The following CDK10 variants were observed in gnomAD, a reference collection of about 807,000 sequenced individuals.
The protein encoded by CDK10 is cyclin-dependent kinase 10.
A neutral mutation model predicts 51.0 loss-of-function variants in CDK10; 55 were observed. The observed-to-expected ratio is 1.08, with a 90% CI of 0.87 to 1.35. CDK10 has a LOEUF of 1.35. CDK10 is among the 40% of genes most tolerant of loss of function. The pLI, the probability that CDK10 is intolerant of heterozygous loss-of-function variation, is 0.00. For missense variants in CDK10, 589 were observed against 485.1 expected (o/e 1.21, Z -2.01); for synonymous variants, 255 against 199.1 (o/e 1.28, Z -2.36).
Position 89,696,076 on chromosome 16 carries a change from A to G in CDK10, c.*384A>G. 5.6e-6 allele frequency: 3 copies of G among 538,934 alleles called. No individual in the cohort carries two copies. Among genetic ancestry groups the G allele is most frequent in the Non-Finnish European group, 1.0e-5 (3 of 297,082 alleles). 33.4% of individuals were successfully genotyped at this position (538,934 alleles called of 1,614,324 possible). A position where few individuals can be genotyped will look rare whatever the true frequency, so the allele number is the denominator to read the frequency against. Reference sequence around the variant, plus strand: ...ACGCTGGCCTGGGATGAGAGGGCCCAGAAGACCTTCGTATCCCCTCTCAGT... The same window carrying G: ...ACGCTGGCCTGGGATGAGAGGGCCCGGAAGACCTTCGTATCCCCTCTCAGT... On this transcript the variant is annotated 3_prime_UTR_variant, in exon 13 of 13. Transcript: ENST00000353379.
At chr16:89,694,643 T>C in intron 9 of CDK10, 22 bp from the exon 10 acceptor site, 1 of 1,577,966 alleles carries the variant, frequency 6.3e-7, no homozygotes, top group East Asian at 2.3e-5. Context: ...CTGGCCGCAG[T>C]GAGGTCCACT....
At position 89,686,759 on chromosome 16, in the gene CDK10, C is replaced by G; in HGVS notation, c.49C>G (p.Arg17Gly). ...ECEQIRLKCI[R>G]KEGFFTVPPE... is the part of the protein sequence containing the mutation. ...CGAGCAGATCCGTCTGAAGTGTATT[C>G]GTAAGGAGGGCTTCTTCACGGTGCC... The change falls in exon 1 of 13, where the codon CGT (arginine) becomes GGT (glycine). Residue 17 changes from arginine (R) to glycine (G), a missense_variant. Physicochemically the swap from Arg to Gly is moderately radical, Grantham distance 125. Coordinates refer to ENST00000353379, the MANE Select transcript of CDK10 (RefSeq NM_052988.5). 2 of 1,612,580 alleles carry G rather than the reference C, an allele frequency of 1.2e-6. No individual in the cohort carries two copies. Among genetic ancestry groups the G allele is most frequent in the Non-Finnish European group, 1.7e-6 (2 of 1,179,254 alleles).
intron 1 of CDK10, chr16:89,687,048 C>T (rs1177365963): frequency 1.2e-5 from 5 of 405,538 alleles, no homozygotes; most frequent in African/African-American, 4.2e-5. Flanking sequence ...GAGACGGGCC[C>T]GGGACTTGGG....
At chr16:89,695,424 T>C in intron 12 of CDK10, 79 bp downstream of exon 12, 2 of 1,523,008 alleles carry the variant, frequency 1.3e-6, no homozygotes, top group Non-Finnish European at 1.8e-6. Context: ...GGTGGAGAAG[T>C]GGCCTGCTGC....
In CDK10 at chr16:89,689,333, C is replaced by G. The variant is rs1174654325; in HGVS notation, c.160+9C>G. On this transcript the variant is annotated intron_variant, in intron 2 of 12. Coordinates refer to ENST00000353379, the MANE Select transcript of CDK10 (RefSeq NM_052988.5). The stretch of plus-strand genomic sequence containing the variant: ...TACCTACGGCATTGTGTGTGAGTGG[C>G]CAAGGCTAGGACATGTGGCCGCAGC... The G allele has an allele frequency of 6.2e-7, 1 of 1,612,644 alleles. No homozygotes were observed. Among genetic ancestry groups the G allele is most frequent in the Non-Finnish European group, 8.5e-7 (1 of 1,178,720 alleles).
chr16:89,694,002 G>T, intron 8 of CDK10, 171 bp from the exon 9 acceptor site: 1 of 667,682 alleles, frequency 1.5e-6, no homozygotes. Flanking sequence ...TCTCGCCCCC[G>T]GCAACCATTG....
At chr16:89,690,320 C>T in intron 2 of CDK10, 1 of 572,062 alleles carries the variant, frequency 1.7e-6, no homozygotes, top group Non-Finnish European at 3.1e-6. Context: ...GGCCAGGGTC[C>T]AGCACAGAGC....
At chr16:89,688,105 G>A (rs1422816871) in intron 1 of CDK10, among the ~76,000 whole-genome samples, 9 of 138,764 alleles carry the variant, frequency 6.5e-5, no homozygotes, top group African/African-American at 2.4e-4. Flanking sequence ...TTTTTGAGAC[G>A]GAGTCTCATT....
In CDK10 at chr16:89,691,464, G is replaced by T; in HGVS notation, c.254G>T (p.Arg85Leu). Reference sequence around the variant, plus strand: ...CCAGGCATCCCCATCAGCAGCTTGCGGGAGATCACGCTGCTGCTCCGCCTG... The same window carrying T: ...CCAGGCATCCCCATCAGCAGCTTGCTGGAGATCACGCTGCTGCTCCGCCTG... ...EKDGIPISSL[R>L]EITLLLRLRH... Residue 85 changes from arginine (R) to leucine (L), a missense_variant, in exon 4 of 13, where the codon CGG becomes CTG. Transcript: ENST00000353379. 6.2e-7 allele frequency: 1 copy of T among 1,612,710 alleles called. No homozygotes were observed.
In CDK10 at chr16:89,689,292, A is replaced by C; in HGVS notation, c.128A>C (p.Asn43Thr). 6.2e-7 allele frequency: 1 copy of C among 1,614,054 alleles called. No individual in the cohort carries two copies. Among genetic ancestry groups the C allele is most frequent in the East Asian group, 2.2e-5 (1 of 44,882 alleles). ...AGTGTGAAGGAGTTTGAGAAGCTGA[A>C]CCGCATTGGAGAGGGTACCTACGGC... Reference protein sequence around the residue: ...CRSVKEFEKLNRIGEGTYGIV... With the variant: ...CRSVKEFEKLTRIGEGTYGIV... Residue 43 changes from asparagine to threonine, a missense_variant, in exon 2 of 13, where the codon AAC (asparagine) becomes ACC (threonine). Transcript: ENST00000353379.
intron 1 of CDK10, among the ~76,000 whole-genome samples, chr16:89,688,055 G>A (rs2060276213): frequency 6.7e-6 from 1 of 149,566 alleles, no homozygotes; most frequent in Non-Finnish European, 1.5e-5. Flanking sequence ...GGGCTGTGAG[G>A]TTTCAAACCT....
Position 89,690,633 on chromosome 16 carries a change from GA to G in CDK10, c.232+12del. The G allele has an allele frequency of 6.2e-7, 1 of 1,612,914 alleles. No homozygotes were observed. The highest frequency in any genetic ancestry group is 1.3e-5 in the African/African-American group (1 of 75,030). ...GGACAAGGAGAAGGATGGTGAGCAG[GA>G]AATTGGGGTGTTGGGACCTCGCACT... On this transcript the variant is annotated intron_variant, in intron 3 of 12. Coordinates refer to ENST00000353379, the MANE Select transcript of CDK10 (RefSeq NM_052988.5).
chr16:89,691,702 G>A, intron 4 of CDK10, 104 bp from the exon 5 acceptor site: 3 of 1,302,504 alleles, frequency 2.3e-6, no homozygotes, highest in Admixed American at 1.7e-5. Flanking sequence ...GTCTGAGGGG[G>A]ACACAGGTTG....
chr16:89,695,986 T>C lies in CDK10; in HGVS notation c.*294T>C, dbSNP rs2060705431. 6.6e-6 allele frequency: 4 copies of C among 609,498 alleles called. No homozygotes were observed. The highest frequency in any genetic ancestry group is 3.9e-5 in the South Asian group (2 of 51,776). The allele number at this position is 609,498 out of a possible 1,614,324, so 37.8% of individuals were successfully genotyped here. ...GGTCCTCCTCGCTATGTTGGAAATG[T>C]GCAACCACTGCTTCTTGGGAGGAGT... On this transcript the variant is annotated 3_prime_UTR_variant, in exon 13 of 13. Transcript: ENST00000353379.
intron 11 of CDK10, 64 bp from the exon 12 acceptor site, chr16:89,695,229 C>T: frequency 2.6e-6 from 4 of 1,559,720 alleles, no homozygotes; most frequent in South Asian, 2.3e-5. Context: ...ACAGGCTGCT[C>T]AGCTGGGTGG....
intron 12 of CDK10, 89 bp from the exon 13 acceptor site, chr16:89,695,494 AGCCCAGGGCCAG>A: frequency 2.0e-6 from 3 of 1,482,758 alleles, no homozygotes; most frequent in East Asian, 4.7e-5. Context: ...AGGCACAGAC[AGCCCAGGGCCAG>A]GTCCAGAGGC....
intron 1 of CDK10, chr16:89,687,054 T>C (rs1217374787): frequency 5.1e-6 from 2 of 395,638 alleles, no homozygotes; most frequent in Admixed American, 9.2e-5. Context: ...GGCCCGGGAC[T>C]TGGGAAGAGC....
chr16:89,686,694 CG>C lies in CDK10; in HGVS notation c.-13del. The C allele has an allele frequency of 6.4e-7, 1 of 1,567,216 alleles. No homozygotes were observed. Among genetic ancestry groups the C allele is most frequent in the Non-Finnish European group, 8.6e-7 (1 of 1,157,092 alleles). Reference sequence around the variant, plus strand: ...CGTCTGCGCCTGCGCGCAAGAGAGGCGGGGCCAGCGCTCGGCATGGCGGAGC... The same window carrying C: ...CGTCTGCGCCTGCGCGCAAGAGAGGCGGGCCAGCGCTCGGCATGGCGGAGC... On this transcript the variant is annotated 5_prime_UTR_variant, in exon 1 of 13. Coordinates refer to ENST00000353379, the MANE Select transcript of CDK10 (RefSeq NM_052988.5).
At chr16:89,691,974 C>T (rs775961075) in intron 5 of CDK10, 87 bp downstream of exon 5, 1 of 1,061,718 alleles carries the variant, frequency 9.4e-7, no homozygotes, top group South Asian at 1.4e-5. Flanking sequence ...CACTTGGGGA[C>T]TTGAAGAGCT....
Sources: allele counts gnomAD v4.1 joint callset (sites outside exome capture counted in the v4.1 genomes callset), GRCh38; gene constraint gnomAD v4.1.1; transcripts MANE v1.5; gene names NCBI Gene and HGNC (gene_info 2026-07-23, HGNC 2026-07-21).